Variants in TRIP4 observed in about 807,000 individuals in gnomAD.
The protein encoded by TRIP4 is activating signal cointegrator 1.
A neutral mutation model predicts 81.8 loss-of-function variants in TRIP4; 54 were observed. The observed-to-expected ratio is 0.66, with a 90% CI of 0.53 to 0.83. The LOEUF (loss-of-function observed/expected upper bound fraction) is 0.83, where lower values mean the gene tolerates loss of function less well. Ranked by LOEUF, TRIP4 falls within the 40% of genes least tolerant of loss-of-function variation. TRIP4 has a pLI of 0.00. For missense variants in TRIP4, 662 were observed against 683.6 expected, an observed-to-expected ratio of 0.97 and a Z score of 0.35; for synonymous variants, 270 against 242.8, an observed-to-expected ratio of 1.11 and a Z score of -1.04.
chr15:64,398,648 A>C (rs982938194), intron 4 of TRIP4, among the ~76,000 whole-genome samples: 3 of 152,024 alleles, frequency 2.0e-5, no homozygotes, highest in Non-Finnish European at 4.4e-5. Flanking sequence ...GAGAACATAC[A>C]TTGTTGAGAG....
At chr15:64,442,881 G>A (rs1892549340) in intron 11 of TRIP4, among the ~76,000 whole-genome samples, 1 of 151,846 alleles carries the variant, frequency 6.6e-6, no homozygotes, top group Admixed American at 6.6e-5. Context: ...CAGCTACTCG[G>A]GAGGCTGAGG....
At chr15:64,448,757 C>G (rs1472836728) in intron 12 of TRIP4, among the ~76,000 whole-genome samples, 1 of 152,126 alleles carries the variant, frequency 6.6e-6, no homozygotes, top group Non-Finnish European at 1.5e-5. Flanking sequence ...AACTCTCTTG[C>G]CTTAGGTCCT....
At position 64,424,020 on chromosome 15, in the gene TRIP4, A is replaced by T. The variant is rs371651994; in HGVS notation, c.1359-11A>T. On this transcript the variant is annotated splice_polypyrimidine_tract_variant and intron_variant, in intron 9 of 12. Transcript: ENST00000261884. Reference sequence around the variant, plus strand: ...TTTATATCCTTCCCACTAAATTTCTATTTGTTTAAGGGTGGAGGGCAGATC... The same window carrying T: ...TTTATATCCTTCCCACTAAATTTCTTTTTGTTTAAGGGTGGAGGGCAGATC... The T allele has an allele frequency of 1.5e-5, 24 of 1,612,820 alleles. No individual in the cohort carries two copies. The African/African-American group carries it at 2.8e-4, about 19-fold the overall frequency.
At chr15:64,438,943 A>G (rs954425560) in intron 11 of TRIP4, among the ~76,000 whole-genome samples, 9 of 152,278 alleles carry the variant, frequency 5.9e-5, no homozygotes, top group African/African-American at 1.2e-4. Context: ...CACCTGGTAC[A>G]TATATGGATT....
At chr15:64,446,469 A>G (rs1021458183) in intron 12 of TRIP4, among the ~76,000 whole-genome samples, 2 of 146,648 alleles carry the variant, frequency 1.4e-5, no homozygotes, top group African/African-American at 2.5e-5. Context: ...CAGTGGCCCA[A>G]TCTCGGCTCA....
intron 12 of TRIP4, among the ~76,000 whole-genome samples, chr15:64,450,468 C>T (rs1171468195): frequency 6.6e-6 from 1 of 151,148 alleles, no homozygotes; most frequent in African/African-American, 2.4e-5. Flanking sequence ...GAACTCAGAG[C>T]TTTGAGTTCC....
chr15:64,435,878 C>A (rs1249410589), intron 11 of TRIP4, among the ~76,000 whole-genome samples: 1 of 109,284 alleles, frequency 9.2e-6, no homozygotes, highest in Non-Finnish European at 1.9e-5. Flanking sequence ...TCCTGGAATA[C>A]CATAATGGTA....
Position 64,406,410 on chromosome 15 carries a change from G to C in TRIP4, c.778G>C (p.Glu260Gln). The change falls in exon 6 of 13, where the codon GAG (glutamate) becomes CAG (glutamine). Residue 260 changes from glutamate to glutamine, a missense_variant. Coordinates refer to ENST00000261884, the MANE Select transcript of TRIP4 (RefSeq NM_016213.5). ...AGAATTGCGAATTAAGTCTGGTCTG[G>C]AGAAGGCTATCAAGCATAAAGACAA... is the stretch of plus-strand genomic sequence containing the variant. ...HQELRIKSGLEKAIKHKDKLL... is the reference protein window; with the variant it reads ...HQELRIKSGLQKAIKHKDKLL... The C allele has an allele frequency of 6.2e-7, 1 of 1,614,158 alleles. No individual in the cohort carries two copies. The highest frequency in any genetic ancestry group is 8.5e-7 in the Non-Finnish European group (1 of 1,180,028).
intron 5 of TRIP4, among the ~76,000 whole-genome samples, chr15:64,401,498 A>G (rs1054390552): frequency 5.3e-5 from 8 of 152,008 alleles, no homozygotes; most frequent in Non-Finnish European, 1.2e-4. Context: ...TCTTGAACTC[A>G]TGACCTCAAG....
intron 12 of TRIP4, among the ~76,000 whole-genome samples, chr15:64,449,531 C>G (rs1455420549): frequency 6.6e-6 from 1 of 151,226 alleles, no homozygotes; most frequent in African/African-American, 2.4e-5. Flanking sequence ...TTCAGACTTG[C>G]AAATAAACTT....
intron 12 of TRIP4, among the ~76,000 whole-genome samples, chr15:64,450,321 G>A (rs1336395771): frequency 5.3e-5 from 8 of 151,200 alleles, no homozygotes; most frequent in East Asian, 1.9e-4. Flanking sequence ...CCCGGGAGGC[G>A]GAGCTTGCAG....
At chr15:64,388,032 G>A in intron 1 of TRIP4, 68 bp downstream of exon 1, 1 of 1,476,456 alleles carries the variant, frequency 6.8e-7, no homozygotes, top group Admixed American at 2.4e-5. Context: ...GAACCGGGAA[G>A]CGGGGAGGAC....
At chr15:64,423,255 T>C (rs900609225) in intron 9 of TRIP4, among the ~76,000 whole-genome samples, 1 of 151,916 alleles carries the variant, frequency 6.6e-6, no homozygotes, top group Non-Finnish European at 1.5e-5. Flanking sequence ...GATCACAAGG[T>C]CAAGAGATCG....
At position 64,393,940 on chromosome 15, in the gene TRIP4, C is replaced by T; in HGVS notation, c.102-6C>T. ...GTTTCAACAACTTATATCTTTGCCT[C>T]CTGAGGTACGTTTTGTCAATTGAGA... On this transcript the variant is annotated splice_polypyrimidine_tract_variant and splice_region_variant and intron_variant, in intron 1 of 12. Transcript: ENST00000261884. 1 of 1,571,806 alleles carries T rather than the reference C, an allele frequency of 6.4e-7. No individual in the cohort carries two copies. Among genetic ancestry groups the T allele is most frequent in the Non-Finnish European group, 8.6e-7 (1 of 1,161,274 alleles).
At chr15:64,388,148 G>A (rs763438709) in intron 1 of TRIP4, 184 bp downstream of exon 1, 18 of 1,090,212 alleles carry the variant, frequency 1.7e-5, no homozygotes, top group Non-Finnish European at 2.1e-5. Context: ...TAGGGTGTCC[G>A]GCTCCACAGT....
chr15:64,414,891 C>G (rs1891858642), intron 8 of TRIP4, among the ~76,000 whole-genome samples: 1 of 151,928 alleles, frequency 6.6e-6, no homozygotes, highest in African/African-American at 2.4e-5. Context: ...CCTGGGAGTT[C>G]TAGACCAGCC....
In TRIP4 at chr15:64,424,020, A is replaced by G. The variant is rs371651994; in HGVS notation, c.1359-11A>G. Reference sequence around the variant, plus strand: ...TTTATATCCTTCCCACTAAATTTCTATTTGTTTAAGGGTGGAGGGCAGATC... The same window carrying G: ...TTTATATCCTTCCCACTAAATTTCTGTTTGTTTAAGGGTGGAGGGCAGATC... On this transcript the variant is annotated splice_polypyrimidine_tract_variant and intron_variant, in intron 9 of 12. Transcript: ENST00000261884. The G allele has an allele frequency of 3.8e-5, 62 of 1,612,820 alleles. No individual in the cohort carries two copies. Among genetic ancestry groups the G allele is most frequent in the Admixed American group, 5.0e-5 (3 of 59,452 alleles).
chr15:64,405,566 AAAATT>A (rs1413253974), intron 5 of TRIP4, among the ~76,000 whole-genome samples: 4 of 152,220 alleles, frequency 2.6e-5, no homozygotes, highest in African/African-American at 9.6e-5. Flanking sequence ...GGTTATTGCG[AAAATT>A]AAATAACATG....
chr15:64,411,512 C>T (rs561427390), intron 7 of TRIP4, among the ~76,000 whole-genome samples: 1 of 152,102 alleles, frequency 6.6e-6, no homozygotes, highest in East Asian at 1.9e-4. Flanking sequence ...TGGCTCACAC[C>T]TGTAATTTCA....
Sources: gnomAD v4.1 joint callset for allele counts (sites outside exome capture counted in the v4.1 genomes callset) on GRCh38, gnomAD v4.1.1 for gene constraint, MANE v1.5 for transcripts, NCBI Gene and HGNC (gene_info 2026-07-23, HGNC 2026-07-21) for gene names.